Variants in ERICH1 observed in about 807,000 individuals in gnomAD.
The protein encoded by ERICH1 is glutamate-rich protein 1.
Under a neutral mutation model 39.6 loss-of-function variants are expected in ERICH1, and 56 were observed. The observed-to-expected ratio is 1.41, with a 90% confidence interval of 1.14 to 1.77. The LOEUF is 1.77. ERICH1 is among the 40% of genes most tolerant of loss of function. The pLI is 0.00. For synonymous variants in ERICH1, 313 were observed against 223.6 expected (o/e 1.40, Z -3.57); for missense variants, 826 against 575.4 (o/e 1.44, Z -4.45).
At chr8:715,016 T>G (rs1347658726) in intron 2 of ERICH1, among the ~76,000 whole-genome samples, 1 of 152,144 alleles carries the variant, frequency 6.6e-6, no homozygotes, top group African/African-American at 2.4e-5. Context: ...CTTGGTGGGA[T>G]GTCTTACACC....
intron 3 of ERICH1, among the ~76,000 whole-genome samples, chr8:642,045 C>T (rs551447815): frequency 4.6e-5 from 7 of 152,340 alleles, no homozygotes; most frequent in African/African-American, 1.7e-4. Flanking sequence ...GCGGCCTGTG[C>T]CCTTGCAGGT....
rs770371219 is a variant in ERICH1 at position 673,502 on chromosome 8, G to T, written c.850C>A (p.Arg284=). The part of the protein sequence containing the change: ...GVDTIEEDLT[R]AGEEDGKDTR... ...TCTTTACCGTCTTCCTCCCCGGCCC[G>T]TGTCAGGTCTTCCTCAATGGTGTCC... Residue 284 remains arginine (R), a synonymous_variant, in exon 4 of 6, where the codon CGG becomes AGG. Transcript: ENST00000262109. 1.9e-6 allele frequency: 3 copies of T among 1,611,168 alleles called. No individual in the cohort carries two copies. Among genetic ancestry groups the T allele is most frequent in the Admixed American group, 1.7e-5 (1 of 59,502 alleles).
chr8:625,028 C>T lies in ERICH1; in HGVS notation c.977-9744G>A, dbSNP rs115105067. On this transcript the variant is annotated intron_variant, in intron 3 of 3. Coordinates refer to the ERICH1 transcript ENST00000522706. ...GGCGTGAGCCACTGCACCCGGCCTACACACTTTTAAACACTCAGGCTTCCT... is the reference window on the plus strand; with the variant it reads ...GGCGTGAGCCACTGCACCCGGCCTATACACTTTTAAACACTCAGGCTTCCT... 2.0e-3 allele frequency among the ~76,000 whole-genome samples: 303 copies of T among 152,286 alleles called. 1 individual carries two copies. The highest frequency in any genetic ancestry group is 6.9e-3 in the African/African-American group (286 of 41,566).
At chr8:719,910 G>A (rs1016291415) in intron 1 of ERICH1, among the ~76,000 whole-genome samples, 3 of 152,164 alleles carry the variant, frequency 2.0e-5, no homozygotes, top group Admixed American at 1.3e-4. Flanking sequence ...CCTCCAGCAT[G>A]GACCTGGTGC....
downstream of ERICH1, among the ~76,000 whole-genome samples, chr8:661,774 C>T (rs1801459062): frequency 6.6e-6 from 1 of 152,248 alleles, no homozygotes. Context: ...ATCCCACCTG[C>T]TCGACTGTAC....
At chr8:697,003 C>T (rs1206394040) in intron 2 of ERICH1, among the ~76,000 whole-genome samples, 2 of 152,330 alleles carry the variant, frequency 1.3e-5, no homozygotes, top group East Asian at 3.9e-4. Context: ...CCACTCCGCT[C>T]CTTCCTTTTG....
At position 700,491 on chromosome 8, in the gene ERICH1, C is replaced by T. The variant is rs1196839797; in HGVS notation, c.170-7879G>A. Among the ~76,000 whole-genome samples, 19 of 141,538 alleles carry T rather than the reference C, an allele frequency of 1.3e-4. 1 individual carries two copies. In the East Asian group the frequency reaches 3.5e-3, roughly 26 times the overall value. The allele number at this position is 141,538 out of a possible 152,430, so 92.9% of individuals were successfully genotyped here. ...ACAGACCCGCACAGGCGCACAGGCC[C>T]GCACACGCGCACAGGCCCGCACAGG... On this transcript the variant is annotated intron_variant, in intron 2 of 5. Transcript: ENST00000262109.
intron 1 of ERICH1, among the ~76,000 whole-genome samples, chr8:722,329 A>T (rs1817520291): frequency 6.6e-6 from 1 of 152,098 alleles, no homozygotes; most frequent in Non-Finnish European, 1.5e-5. Flanking sequence ...AGGCCCAGAA[A>T]AAACACCCCG....
At chr8:716,174 C>G (rs1005130546) in intron 1 of ERICH1, among the ~76,000 whole-genome samples, 167 bp from the exon 2 acceptor site, 2 of 152,264 alleles carry the variant, frequency 1.3e-5, no homozygotes, top group Non-Finnish European at 2.9e-5. Context: ...CAGGATCCCC[C>G]AGACTCTGCC....
chr8:668,985 T>C, intron 4 of ERICH1, 193 bp from the exon 5 acceptor site: 1 of 602,494 alleles, frequency 1.7e-6, no homozygotes, highest in Non-Finnish European at 2.9e-6. Flanking sequence ...TGAACGACTG[T>C]GGAAACCTGG....
intron 3 of ERICH1, among the ~76,000 whole-genome samples, chr8:657,783 T>A (rs1800851876): frequency 1.3e-5 from 2 of 152,032 alleles, no homozygotes; most frequent in African/African-American, 4.8e-5. Context: ...GTGCAGGAAT[T>A]CCTTGCGATA....
chr8:615,119 A>G (rs1008773299), exon 4 of ERICH1: 2 of 604,222 alleles, frequency 3.3e-6, no homozygotes, highest in Non-Finnish European at 5.8e-6. Flanking sequence ...GCTGCATCTG[A>G]GTCTTGGGCT....
intron 1 of ERICH1, among the ~76,000 whole-genome samples, chr8:718,604 A>G (rs895470320): frequency 6.6e-6 from 1 of 152,232 alleles, no homozygotes; most frequent in Non-Finnish European, 1.5e-5. Flanking sequence ...TCAGAGTGAC[A>G]GCTGACAGGG....
intron 1 of ERICH1, among the ~76,000 whole-genome samples, chr8:727,321 G>A (rs1819000010): frequency 6.6e-6 from 1 of 152,214 alleles, no homozygotes. Flanking sequence ...CAGAGCTGCA[G>A]GAACTGGCAC....
At chr8:614,863 G>C in exon 4 of ERICH1, 1 of 202,332 alleles carries the variant, frequency 4.9e-6, no homozygotes, top group Non-Finnish European at 9.8e-6. Context: ...GTGGAAGTTG[G>C]ATGGGAACAA....
At chr8:692,335 C>T in intron 3 of ERICH1, 143 bp downstream of exon 3, 1 of 1,188,120 alleles carries the variant, frequency 8.4e-7, no homozygotes, top group Non-Finnish European at 1.2e-6. Flanking sequence ...AAAGGTACAC[C>T]ATGTGGTTCA....
Position 715,910 on chromosome 8 carries a change from C to G in ERICH1, c.120G>C (p.Lys40Asn). 3 of 1,613,992 alleles carry G rather than the reference C, an allele frequency of 1.9e-6. No individual in the cohort carries two copies. Among genetic ancestry groups the G allele is most frequent in the Non-Finnish European group, 2.5e-6 (3 of 1,179,962 alleles). The change falls in exon 2 of 6, where the codon AAG becomes AAC. Residue 40 changes from lysine (K) to asparagine (N), a missense_variant. Transcript: ENST00000262109. ...PQTLAVQNPP[K>N]KVTSEKVSQK... ...GGCTCACTTTCTCAGAGGTCACTTT[C>G]TTTGGTGGATTTTGGACGGCCAGCG...
At chr8:658,155 C>T (rs930961492) in intron 3 of ERICH1, among the ~76,000 whole-genome samples, 19 of 152,348 alleles carry the variant, frequency 1.2e-4, no homozygotes, top group Admixed American at 5.9e-4. Context: ...TCCAGGGCTT[C>T]GGCTGCAGCT....
Position 658,086 on chromosome 8 carries a change from G to A in ERICH1, c.976+10512C>T, listed in dbSNP as rs530457847. ...CTTTCTAGAGGCCATTCTTAGCTCC[G>A]GCTGCTGCTGCCCTTCTTCGTGCCC... is the stretch of plus-strand genomic sequence containing the variant. On this transcript the variant is annotated intron_variant, in intron 3 of 3. Transcript: ENST00000522706. 7.4e-4 allele frequency among the ~76,000 whole-genome samples: 112 copies of A among 152,344 alleles called. 1 individual carries two copies. Among genetic ancestry groups the A allele is most frequent in the African/African-American group, 2.6e-3 (107 of 41,570 alleles).
Sources: gnomAD v4.1 joint callset for allele counts (sites outside exome capture counted in the v4.1 genomes callset) on GRCh38, gnomAD v4.1.1 for gene constraint, MANE v1.5 for transcripts, NCBI Gene and HGNC (gene_info 2026-07-23, HGNC 2026-07-21) for gene names.